The following LRRC37B variants were observed in gnomAD, a reference collection of about 807,000 sequenced individuals.
LRRC37B encodes the protein leucine-rich repeat-containing protein 37B.
Under a neutral mutation model 98.3 loss-of-function variants are expected in LRRC37B, and 28 were observed. That is an observed-to-expected ratio of 0.28 (90% CI 0.21 to 0.39). The LOEUF (loss-of-function observed/expected upper bound fraction) is 0.39, where lower values mean the gene tolerates loss of function less well. Among genes scored for constraint, LRRC37B ranks in the 10% least tolerant of loss-of-function variants. The probability of loss-of-function intolerance (pLI) is 1.00; values close to 1 mark genes in which losing one functional copy is unlikely to be tolerated. For missense variants in LRRC37B, 938 were observed against 1,182.7 expected (o/e 0.79, Z 3.03); for synonymous variants, 364 against 442.7 (o/e 0.82, Z 2.23).
At chr17:32,014,023 T>C (rs1021565955) in intron 1 of LRRC37B, among the ~76,000 whole-genome samples, 1 of 152,308 alleles carries the variant, frequency 6.6e-6, no homozygotes. Context: ...TTTCCCCTAA[T>C]TATCAGTTGA....
exon 7 of LRRC37B, chr17:32,035,623 G>A: frequency 6.2e-7 from 1 of 1,610,062 alleles, no homozygotes; most frequent in Non-Finnish European, 8.5e-7. Flanking sequence ...CACGATGACT[G>A]TTGAACTGGA....
At chr17:32,019,215 C>T (rs1368032793), upstream of LRRC37B, among the ~76,000 whole-genome samples, 1 of 152,234 alleles carries the variant, frequency 6.6e-6, no homozygotes, top group Non-Finnish European at 1.5e-5. Flanking sequence ...GTGCGAGCCG[C>T]TGCGCCTGGG....
At chr17:32,048,278 A>C (rs1911646535) in intron 9 of LRRC37B, among the ~76,000 whole-genome samples, 1 of 150,782 alleles carries the variant, frequency 6.6e-6, no homozygotes, top group Non-Finnish European at 1.5e-5. Flanking sequence ...AAAGCACAGC[A>C]CTAGGAAAGA....
chr17:32,008,741 A>T (rs1052894994), intron 1 of LRRC37B, among the ~76,000 whole-genome samples: 10 of 152,282 alleles, frequency 6.6e-5, no homozygotes, highest in African/African-American at 2.4e-4. Context: ...GTTTGTTTTT[A>T]TTCTTCGAGT....
intron 7 of LRRC37B, chr17:32,040,825 A>G: frequency 1.2e-6 from 1 of 816,846 alleles, no homozygotes; most frequent in Non-Finnish European, 2.2e-6. Context: ...CTGGACATAG[A>G]GGTCAAGCAG....
At chr17:32,045,348 G>C (rs1911543049) in intron 7 of LRRC37B, 1 of 187,810 alleles carries the variant, frequency 5.3e-6, no homozygotes, top group East Asian at 1.4e-4. Flanking sequence ...CAGAAGTTGG[G>C]GGCTTATTCA....
At chr17:32,039,652 A>G (rs1911370109) in intron 7 of LRRC37B, among the ~76,000 whole-genome samples, 1 of 145,600 alleles carries the variant, frequency 6.9e-6, no homozygotes, top group South Asian at 2.1e-4. Flanking sequence ...TTGTTACACA[A>G]CTTACTGCAA....
Position 32,025,031 on chromosome 17 carries a change from T to TG in LRRC37B, c.1832+249_1832+250insG, listed in dbSNP as rs34801359. ...ATGGTTATATTCTTTTTTTTCCTCG[T>TG]TTTTTTTTTTTTTTTTTTTTTCAGA... On this transcript the variant is annotated intron_variant, in intron 2 of 11. Transcript: ENST00000327564. Among the ~76,000 whole-genome samples, 2 of 1,124 alleles carry TG rather than the reference T, an allele frequency of 1.8e-3. 1 individual carries two copies. Among genetic ancestry groups the TG allele is most frequent in the Non-Finnish European group, 7.9e-3 (2 of 252 alleles). 0.7% of individuals were successfully genotyped at this position (1,124 alleles called of 152,430 possible).
chr17:32,037,776 CCT>C (rs1911289538), intron 7 of LRRC37B, among the ~76,000 whole-genome samples: 1 of 151,900 alleles, frequency 6.6e-6, no homozygotes, highest in Non-Finnish European at 1.5e-5. Flanking sequence ...GCTTTTTTCC[CCT>C]GTTATCCCAT....
At chr17:32,035,427 T>A in intron 6 of LRRC37B, 138 bp from the exon 10 acceptor site, 2 of 897,566 alleles carry the variant, frequency 2.2e-6, no homozygotes, top group Non-Finnish European at 3.4e-6. Context: ...TCTGGAATTT[T>A]ACGGCAAATA....
At chr17:32,008,200 A>C (rs553089813) in intron 1 of LRRC37B, 68 bp downstream of exon 1, 27 of 204,076 alleles carry the variant, frequency 1.3e-4, no homozygotes, top group Admixed American at 8.3e-4. Flanking sequence ...TTGCTCACTT[A>C]TGTGCTGTGC....
chr17:32,022,197 ACC>A lies in LRRC37B; in HGVS notation c.1133_1134del (p.Thr378AsnfsTer6). On this transcript the variant is annotated frameshift_variant, in exon 1 of 12. Coordinates refer to ENST00000327564, the Ensembl canonical transcript of LRRC37B. LOFTEE classifies it high-confidence loss of function. ...AGTCAAACCTGCAGATGTGGAGGTT[ACC>A]ATGACTTCAGAGCCTAAAAATGAGA... 6.2e-7 allele frequency: 1 copy of A among 1,613,674 alleles called. No individual in the cohort carries two copies. The highest frequency in any genetic ancestry group is 1.1e-5 in the South Asian group (1 of 91,056).
intron 1 of LRRC37B, among the ~76,000 whole-genome samples, chr17:32,011,100 G>A (rs1438867275): frequency 9.2e-5 from 14 of 151,462 alleles, no homozygotes; most frequent in Non-Finnish European, 1.9e-4. Flanking sequence ...GGGTTCAAGC[G>A]ATTCTCCTGC....
At chr17:32,036,364 C>A (rs1163289961) in intron 7 of LRRC37B, 5 of 152,104 alleles carry the variant, frequency 3.3e-5, no homozygotes, top group Non-Finnish European at 7.4e-5. Context: ...AGCTGGCCCT[C>A]CATATCTACA....
At chr17:32,021,030 A>G in exon 1 of LRRC37B, 1 of 1,589,740 alleles carries the variant, frequency 6.3e-7, no homozygotes, top group Non-Finnish European at 8.5e-7. Context: ...AAGCCTAATA[A>G]AGGTGACATA....
At chr17:32,021,401 C>G in exon 1 of LRRC37B, 5 of 1,613,794 alleles carry the variant, frequency 3.1e-6, no homozygotes, top group Non-Finnish European at 3.4e-6. Context: ...AGATGTCAGC[C>G]CTGCCTCAGG....
intron 7 of LRRC37B, chr17:32,035,917 G>T: frequency 6.7e-6 from 2 of 300,150 alleles, no homozygotes; most frequent in Non-Finnish European, 1.2e-5. Context: ...TCTGATTTCT[G>T]TTCCTAGTTT....
intron 1 of LRRC37B, among the ~76,000 whole-genome samples, chr17:32,009,880 A>G (rs1910489976): frequency 1.3e-5 from 2 of 151,822 alleles, no homozygotes; most frequent in Admixed American, 1.3e-4. Flanking sequence ...TCCTGAGCTC[A>G]GGCAATCTGC....
chr17:32,044,802 G>A (rs2142260088), intron 7 of LRRC37B, among the ~76,000 whole-genome samples: 1 of 152,200 alleles, frequency 6.6e-6, no homozygotes, highest in Middle Eastern at 3.4e-3. Context: ...AATTTGGAGG[G>A]TCACTTGAGC....
Sources: gnomAD v4.1 joint callset for allele counts (sites outside exome capture counted in the v4.1 genomes callset) on GRCh38, gnomAD v4.1.1 for gene constraint, MANE v1.5 for transcripts, NCBI Gene and HGNC (gene_info 2026-07-23, HGNC 2026-07-21) for gene names.